The following DCAF6 variants were observed in gnomAD, a reference collection of about 807,000 sequenced individuals.
The protein encoded by DCAF6 is DDB1 and CUL4 associated factor 6.
DCAF6 carries 54 observed loss-of-function variants against 125.1 expected under a neutral mutation model. The ratio of observed to expected loss-of-function variants is 0.43; its 90% confidence interval spans 0.35 to 0.54. The LOEUF (loss-of-function observed/expected upper bound fraction) is 0.54. Ranked by LOEUF, DCAF6 falls within the 20% of genes least tolerant of loss-of-function variation. The pLI is 0.01. For missense variants in DCAF6, 934 were observed against 1,161.7 expected, an observed-to-expected ratio of 0.80 and a Z score of 2.85; for synonymous variants, 371 against 390.4, an observed-to-expected ratio of 0.95 and a Z score of 0.58.
chr1:167,978,008 T>TAA (rs1280765132), intron 4 of DCAF6, among the ~76,000 whole-genome samples: 1 of 152,196 alleles, frequency 6.6e-6, no homozygotes, highest in Non-Finnish European at 1.5e-5. Flanking sequence ...GTGTCTTTGT[T>TAA]GTTGTTTTTG....
chr1:167,965,440 C>T (rs573238780), intron 2 of DCAF6, among the ~76,000 whole-genome samples: 1 of 152,264 alleles, frequency 6.6e-6, no homozygotes, highest in South Asian at 2.1e-4. Flanking sequence ...TTCTTAAGGG[C>T]AGATCTTGTT....
chr1:168,059,793 G>T (rs959617138), intron 17 of DCAF6, among the ~76,000 whole-genome samples: 4 of 151,972 alleles, frequency 2.6e-5, no homozygotes, highest in African/African-American at 9.7e-5. Context: ...CCACAGATGT[G>T]TGCCACCACT....
the DCAF6 span, among the ~76,000 whole-genome samples, chr1:167,864,847 G>C: frequency 2.0e-5 from 3 of 150,358 alleles, no homozygotes; most frequent in South Asian, 4.2e-4. Flanking sequence ...GTAACCCACG[G>C]ATGGCCCAGA....
intron 1 of DCAF6, among the ~76,000 whole-genome samples, chr1:167,940,666 A>G (rs1672103443): frequency 6.6e-6 from 1 of 152,162 alleles, no homozygotes; most frequent in Non-Finnish European, 1.5e-5. Flanking sequence ...TCCCATATAT[A>G]TACGGTTTTG....
intron 14 of DCAF6, among the ~76,000 whole-genome samples, chr1:168,043,722 G>A (rs1249194400): frequency 1.3e-5 from 2 of 152,126 alleles, no homozygotes; most frequent in Non-Finnish European, 2.9e-5. Flanking sequence ...AGGTACCTTA[G>A]TATAACAGAG....
At chr1:167,896,596 T>G in the DCAF6 span, 3 of 1,609,380 alleles carry the variant, frequency 1.9e-6, no homozygotes, top group South Asian at 3.3e-5. Flanking sequence ...GGTACTTACT[T>G]TTGTGCTCAC....
At chr1:167,866,307 A>G in the DCAF6 span, among the ~76,000 whole-genome samples, 3 of 152,204 alleles carry the variant, frequency 2.0e-5, no homozygotes, top group Non-Finnish European at 2.9e-5. Flanking sequence ...TTTAGACGCA[A>G]TTGGAGTCCC....
chr1:167,948,249 T>C (rs1000823402), intron 1 of DCAF6, among the ~76,000 whole-genome samples: 2 of 152,076 alleles, frequency 1.3e-5, no homozygotes, highest in African/African-American at 4.8e-5. Context: ...TGGAGACCTT[T>C]TTACACTGTA....
chr1:167,938,057 A>C (rs1224734301), intron 1 of DCAF6, among the ~76,000 whole-genome samples: 1 of 152,214 alleles, frequency 6.6e-6, no homozygotes, highest in Non-Finnish European at 1.5e-5. Flanking sequence ...GCAATTTTTT[A>C]ATTCTTTTTA....
the DCAF6 span, among the ~76,000 whole-genome samples, chr1:167,871,989 G>T: frequency 6.6e-6 from 1 of 152,158 alleles, no homozygotes; most frequent in East Asian, 1.9e-4. Flanking sequence ...CCTGCACGTT[G>T]TGCATTGTGT....
intron 2 of DCAF6, among the ~76,000 whole-genome samples, chr1:167,952,481 G>T (rs1248740238): frequency 1.3e-5 from 2 of 152,142 alleles, no homozygotes; most frequent in Non-Finnish European, 2.9e-5. Flanking sequence ...CTCCCAAAGT[G>T]CTGGGATTAC....
intron 4 of DCAF6, among the ~76,000 whole-genome samples, chr1:167,983,626 G>A (rs575027442): frequency 2.6e-5 from 4 of 152,178 alleles, no homozygotes; most frequent in African/African-American, 9.6e-5. Flanking sequence ...GGCCTTCTTG[G>A]GTCCTTCTTT....
intron 11 of DCAF6, among the ~76,000 whole-genome samples, chr1:168,016,959 A>G (rs1685056661): frequency 6.6e-6 from 1 of 152,080 alleles, no homozygotes; most frequent in Non-Finnish European, 1.5e-5. Flanking sequence ...CACTTTATAA[A>G]TATCTGTTCT....
At chr1:167,906,005 T>C in the DCAF6 span, among the ~76,000 whole-genome samples, 5 of 152,194 alleles carry the variant, frequency 3.3e-5, no homozygotes, top group Admixed American at 6.5e-5. Flanking sequence ...ATACAGAAAA[T>C]ATAAGAGGAT....
chr1:167,953,961 G>C (rs1387531525), intron 2 of DCAF6, among the ~76,000 whole-genome samples: 1 of 152,142 alleles, frequency 6.6e-6, no homozygotes, highest in East Asian at 1.9e-4. Context: ...TTGGTGATCT[G>C]AGTGGATACA....
the DCAF6 span, chr1:167,913,894 A>G: frequency 1.3e-5 from 2 of 152,428 alleles, no homozygotes; most frequent in South Asian, 4.2e-4. Flanking sequence ...CTCCTCTGCA[A>G]TAGCTGTCTT....
the DCAF6 span, chr1:167,918,388 C>T: frequency 2.2e-6 from 3 of 1,378,206 alleles, no homozygotes; most frequent in Non-Finnish European, 3.1e-6. Flanking sequence ...GAAAAATAAT[C>T]ATCAATAATA....
chr1:168,074,555 C>T (rs1196914246), intron 21 of DCAF6, among the ~76,000 whole-genome samples: 4 of 152,110 alleles, frequency 2.6e-5, no homozygotes, highest in Admixed American at 6.5e-5. Context: ...AACTCCTGCC[C>T]TCCAGGAACT....
chr1:167,984,586 A>T (rs958235113), intron 4 of DCAF6, among the ~76,000 whole-genome samples: 1 of 152,190 alleles, frequency 6.6e-6, no homozygotes, highest in Non-Finnish European at 1.5e-5. Flanking sequence ...AATTACATAA[A>T]TATTTCTTAC....
Sources: gnomAD v4.1 joint callset for allele counts (sites outside exome capture counted in the v4.1 genomes callset) on GRCh38, gnomAD v4.1.1 for gene constraint, MANE v1.5 for transcripts, NCBI Gene and HGNC (gene_info 2026-07-23, HGNC 2026-07-21) for gene names.